Variants in KCNIP1 observed in about 807,000 individuals in gnomAD.
KCNIP1 encodes the protein A-type potassium channel modulatory protein KCNIP1.
In KCNIP1, 18 loss-of-function variants were observed where a neutral mutation model predicts 33.0. The ratio of observed to expected loss-of-function variants is 0.55; its 90% CI spans 0.38 to 0.81. KCNIP1 has a LOEUF of 0.81. KCNIP1 is among the 30% of genes least tolerant of loss of function. The probability of loss-of-function intolerance (pLI) is 0.00; values close to 1 mark genes in which losing one functional copy is unlikely to be tolerated. For missense variants in KCNIP1, 238 were observed against 271.6 expected, an observed-to-expected ratio of 0.88 and a Z score of 0.87; for synonymous variants, 93 against 98.3, an observed-to-expected ratio of 0.95 and a Z score of 0.32.
In KCNIP1 at chr5:170,383,849, C is replaced by T. The variant is rs140359227; in HGVS notation, c.88+29885C>T. ...TGGCACTTGGATTCCTGGGTCCACA[C>T]GCTGAGGAGACCACACACATGCACA... On this transcript the variant is annotated intron_variant, in intron 1 of 7. Transcript: ENST00000377360. 3.6e-5 allele frequency: 58 copies of T among 1,613,724 alleles called. No individual in the cohort carries two copies. The Admixed American group carries it at 5.3e-4, about 15-fold the overall frequency.
At chr5:170,481,438 A>G (rs565311278) in intron 1 of KCNIP1, among the ~76,000 whole-genome samples, 12 of 152,330 alleles carry the variant, frequency 7.9e-5, no homozygotes, top group Admixed American at 1.3e-4. Flanking sequence ...TGTTAGTGAC[A>G]GAAGTGGGAA....
chr5:170,609,115 A>G (rs1581393568), intron 1 of KCNIP1, among the ~76,000 whole-genome samples: 1 of 152,280 alleles, frequency 6.6e-6, no homozygotes, highest in African/African-American at 2.4e-5. Context: ...CTCCTGCAGA[A>G]TGTACACAGC....
intron 1 of KCNIP1, among the ~76,000 whole-genome samples, chr5:170,491,950 T>C (rs1395036875): frequency 2.6e-5 from 4 of 152,222 alleles, no homozygotes; most frequent in Non-Finnish European, 5.9e-5. Context: ...GCCCTTGTTT[T>C]CTGGGGAGAC....
chr5:170,353,613 T>A lies in KCNIP1; in HGVS notation c.-264T>A, dbSNP rs111947511. ...CGGCAGTGCTGTCCCGGCCCTGGCATCCTGAGGTCCTCCCGTGGTGAGGAC... is the reference window on the plus strand; with the variant it reads ...CGGCAGTGCTGTCCCGGCCCTGGCAACCTGAGGTCCTCCCGTGGTGAGGAC... On this transcript the variant is annotated 5_prime_UTR_variant, in exon 1 of 8. Coordinates refer to the KCNIP1 transcript ENST00000377360. 7.5e-3 allele frequency: 4,140 copies of A among 553,540 alleles called. 140 individuals are homozygous for A. The highest frequency in any genetic ancestry group is 0.069 in the African/African-American group (3,636 of 52,866). The allele number at this position is 553,540 out of a possible 1,614,324, so 34.3% of individuals were successfully genotyped here.
chr5:170,410,446 T>C (rs1336933414), intron 1 of KCNIP1, among the ~76,000 whole-genome samples: 1 of 151,316 alleles, frequency 6.6e-6, no homozygotes, highest in Non-Finnish European at 1.5e-5. Flanking sequence ...ATCGCAGACA[T>C]AGTGCAGGGG....
chr5:170,713,062 A>G (rs1198635602), intron 1 of KCNIP1, among the ~76,000 whole-genome samples: 1 of 152,250 alleles, frequency 6.6e-6, no homozygotes, highest in Non-Finnish European at 1.5e-5. Context: ...GACAAGTTAC[A>G]GGAAAAGCTT....
chr5:170,518,824 AT>A (rs1319103715), intron 1 of KCNIP1, among the ~76,000 whole-genome samples: 3 of 152,036 alleles, frequency 2.0e-5, no homozygotes, highest in Non-Finnish European at 4.4e-5. Context: ...AGTGGGGAAA[AT>A]GGCCTCTCCC....
chr5:170,526,028 G>A (rs1409746508), intron 1 of KCNIP1, among the ~76,000 whole-genome samples: 1 of 152,198 alleles, frequency 6.6e-6, no homozygotes, highest in African/African-American at 2.4e-5. Flanking sequence ...TATTCACCAT[G>A]TGCCAGCTCC....
intron 1 of KCNIP1, among the ~76,000 whole-genome samples, chr5:170,560,548 G>A (rs894586419): frequency 6.6e-6 from 1 of 152,144 alleles, no homozygotes; most frequent in South Asian, 2.1e-4. Flanking sequence ...TCACACAGCA[G>A]TGTTGTGCCC....
At chr5:170,688,659 CA>C (rs1377809418) in intron 1 of KCNIP1, among the ~76,000 whole-genome samples, 3 of 152,150 alleles carry the variant, frequency 2.0e-5, no homozygotes, top group East Asian at 1.9e-4. Flanking sequence ...ATAACACAGT[CA>C]TATTAATAGT....
chr5:170,534,200 TAATGGGTTGG>T (rs1755885306), intron 1 of KCNIP1, among the ~76,000 whole-genome samples: 1 of 152,216 alleles, frequency 6.6e-6, no homozygotes, highest in Non-Finnish European at 1.5e-5. Context: ...AAAACCATTT[TAATGGGTTGG>T]AATGGAAAGT....
rs144348262 is a variant in KCNIP1 at position 170,581,680 on chromosome 5, G to A, written c.61+77047G>A. Among the ~76,000 whole-genome samples, 532 of 152,304 alleles carry A rather than the reference G, an allele frequency of 3.5e-3. 1 individual carries two copies. Among genetic ancestry groups the A allele is most frequent in the African/African-American group, 0.012 (506 of 41,556 alleles). ...AAAAGAGATTATAATGTGTGATAAC[G>A]TTGTAGTACCTCACTTATTAAAATA... On this transcript the variant is annotated intron_variant, in intron 1 of 7. Coordinates refer to ENST00000328939, the MANE Select transcript of KCNIP1 (RefSeq NM_014592.4).
In KCNIP1 at chr5:170,504,491, T is replaced by C; in HGVS notation, c.-82T>C. On this transcript the variant is annotated 5_prime_UTR_variant, in exon 1 of 8. An upstream open reading frame in the 5' UTR loses its in-frame stop. Coordinates refer to ENST00000328939, the MANE Select transcript of KCNIP1 (RefSeq NM_014592.4). The surrounding 1 kb of genome is among the most constrained non-coding windows in gnomAD (Gnocchi z 6.0). ...CGCTTTTCTCTCCTCCAATTCAGAG[T>C]AGACAAACCACGGGGATTTCTTTCC... 6.2e-7 allele frequency: 1 copy of C among 1,600,656 alleles called. No homozygotes were observed. The highest frequency in any genetic ancestry group is 8.5e-7 in the Non-Finnish European group (1 of 1,178,218).
chr5:170,483,671 C>A (rs1261831700), intron 1 of KCNIP1: 1 of 152,214 alleles, frequency 6.6e-6, no homozygotes, highest in Non-Finnish European at 1.5e-5. Flanking sequence ...TGTCTCTGAA[C>A]TTCACCTTCC....
intron 1 of KCNIP1, among the ~76,000 whole-genome samples, chr5:170,530,458 T>C (rs1755747405): frequency 6.6e-6 from 1 of 152,224 alleles, no homozygotes; most frequent in African/African-American, 2.4e-5. Flanking sequence ...AAGTCTTGCA[T>C]ATAATGTATC....
In KCNIP1 at chr5:170,422,876, A is replaced by G. The variant is rs2113431862; in HGVS notation, c.88+68912A>G. 2.6e-5 allele frequency: 4 copies of G among 152,356 alleles called. No individual in the cohort carries two copies. The South Asian group carries it at 8.3e-4, about 32-fold the overall frequency. The allele number at this position is 152,356 out of a possible 1,614,324, so 9.4% of individuals were successfully genotyped here. On this transcript the variant is annotated intron_variant, in intron 1 of 7. Transcript: ENST00000377360. ...TGGGGCAGGCGGATTGCTTGAGTCC[A>G]GGACTTAGAGTCTAGCCTGGGCAAC...
chr5:170,683,889 A>AGTGTGTGTGTGTGTGTGTGT (rs756936341), intron 1 of KCNIP1, among the ~76,000 whole-genome samples: 1 of 124,600 alleles, frequency 8.0e-6, no homozygotes, highest in African/African-American at 2.8e-5. Context: ...ATGCCCAGCT[A>AGTGTGTGTGTGTGTGTGTGT]GTGTATGTGT....
chr5:170,656,996 CTTTTT>C (rs397999901), intron 1 of KCNIP1, among the ~76,000 whole-genome samples: 1 of 109,736 alleles, frequency 9.1e-6, no homozygotes, highest in East Asian at 2.6e-4. Flanking sequence ...TTCTTTCTTT[CTTTTT>C]TTTTTTTTTT....
chr5:170,501,214 T>A (rs1032329774), upstream of KCNIP1, among the ~76,000 whole-genome samples: 1 of 152,104 alleles, frequency 6.6e-6, no homozygotes, highest in Non-Finnish European at 1.5e-5. Flanking sequence ...GAGGGATCCC[T>A]GGAGGAGATG....
Sources: allele counts gnomAD v4.1 joint callset (sites outside exome capture counted in the v4.1 genomes callset), GRCh38; gene constraint gnomAD v4.1.1; non-coding constraint Gnocchi (gnomAD v3.1); transcripts MANE v1.5; gene names NCBI Gene and HGNC (gene_info 2026-07-23, HGNC 2026-07-21).